EFHB: variants seen among roughly 807,000 people sequenced by gnomAD.
EFHB encodes EF-hand domain family member B.
Under a neutral mutation model 87.2 loss-of-function variants are expected in EFHB, and 91 were observed. The observed-to-expected ratio is 1.04, with a 90% CI of 0.88 to 1.24. The LOEUF is 1.24. EFHB is among the 50% of genes most tolerant of loss of function. EFHB has a pLI of 0.00. For synonymous variants in EFHB, 325 were observed against 333.6 expected (o/e 0.97, Z 0.28); for missense variants, 1,084 against 998.8 (o/e 1.09, Z -1.15).
intron 5 of EFHB, among the ~76,000 whole-genome samples, chr3:19,907,040 T>C (rs1202114140): frequency 1.4e-5 from 2 of 144,842 alleles, no homozygotes; most frequent in South Asian, 2.2e-4. Context: ...CAACTAAAAA[T>C]AGATTAAAAA....
intron 12 of EFHB, among the ~76,000 whole-genome samples, chr3:19,880,669 A>C (rs946869748): frequency 1.3e-5 from 2 of 152,224 alleles, no homozygotes; most frequent in African/African-American, 4.8e-5. Context: ...AGGACACTAA[A>C]AGCCAAGCAC....
Position 19,896,764 on chromosome 3 carries a change from C to T in EFHB, c.1648G>A (p.Ala550Thr). The change falls in exon 9 of 13, where the codon GCA (alanine) becomes ACA (threonine). Residue 550 changes from alanine to threonine, a missense_variant. Coordinates refer to ENST00000295824, the MANE Select transcript of EFHB (RefSeq NM_144715.4). ...GKDRQRALIA[A>T]VRHHLKKVNY... The stretch of plus-strand genomic sequence containing the variant: ...ACTTTCTTCAGGTGATGCCGAACTG[C>T]TGCAATCAGGGCTCGCTGTCTATCC... The T allele has an allele frequency of 6.2e-7, 1 of 1,613,984 alleles. No homozygotes were observed. Among genetic ancestry groups the T allele is most frequent in the African/African-American group, 1.3e-5 (1 of 75,046 alleles).
Position 19,933,415 on chromosome 3 carries a change from GC to G in EFHB, c.603del (p.Pro202GlnfsTer14). 1.2e-6 allele frequency: 2 copies of G among 1,613,954 alleles called. No homozygotes were observed. The highest frequency in any genetic ancestry group is 1.7e-6 in the Non-Finnish European group (2 of 1,179,888). On this transcript the variant is annotated frameshift_variant, in exon 1 of 13. Coordinates refer to ENST00000295824, the MANE Select transcript of EFHB (RefSeq NM_144715.4). LOFTEE classifies it high-confidence loss of function. ...GGCTCTGTATTCTTAGTCTCATCTGGCCCCTCGGCTTGGGTTAGTCCAATGT... is the reference window on the plus strand; with the variant it reads ...GGCTCTGTATTCTTAGTCTCATCTGGCCCTCGGCTTGGGTTAGTCCAATGT... ...EVDIGLTQAE[G>X]PDETKNTEPQ...
intron 10 of EFHB, among the ~76,000 whole-genome samples, chr3:19,887,956 AT>A (rs1365156194): frequency 5.9e-5 from 9 of 152,150 alleles, no homozygotes; most frequent in East Asian, 1.9e-4. Flanking sequence ...TGTGCTTTTA[AT>A]TTTTTTGAAT....
chr3:19,884,711 T>G, intron 10 of EFHB, 96 bp from the exon 11 acceptor site: 3 of 1,215,174 alleles, frequency 2.5e-6, no homozygotes, highest in Non-Finnish European at 3.5e-6. Flanking sequence ...TCTAGTCTCT[T>G]CTTGCTAATG....
chr3:19,915,912 A>G (rs959195071), intron 4 of EFHB, among the ~76,000 whole-genome samples: 1 of 152,138 alleles, frequency 6.6e-6, no homozygotes. Flanking sequence ...CGGGAGGTGG[A>G]GGTTGCAGTG....
At chr3:19,885,218 G>A (rs938137773) in intron 10 of EFHB, among the ~76,000 whole-genome samples, 2 of 126,558 alleles carry the variant, frequency 1.6e-5, no homozygotes, top group African/African-American at 3.1e-5. Context: ...GTGAGACTTC[G>A]TCTCAAAAAA....
At chr3:19,886,013 A>G (rs1694090330) in intron 10 of EFHB, among the ~76,000 whole-genome samples, 1 of 152,188 alleles carries the variant, frequency 6.6e-6, no homozygotes, top group Non-Finnish European at 1.5e-5. Flanking sequence ...CCCTAAAATC[A>G]TAGAAGATGA....
chr3:19,887,300 A>G (rs1250903414), intron 10 of EFHB, among the ~76,000 whole-genome samples: 1 of 150,648 alleles, frequency 6.6e-6, no homozygotes, highest in Non-Finnish European at 1.5e-5. Context: ...CACGAGAATC[A>G]CTTGAACCCG....
chr3:19,884,188 T>C (rs557688315), intron 11 of EFHB, among the ~76,000 whole-genome samples: 1 of 152,334 alleles, frequency 6.6e-6, no homozygotes, highest in East Asian at 1.9e-4. Context: ...TTCATTAATA[T>C]ATAAAGAATC....
Position 19,896,698 on chromosome 3 carries a change from G to C in EFHB, c.1714C>G (p.His572Asp). The C allele has an allele frequency of 6.2e-7, 1 of 1,613,966 alleles. No homozygotes were observed. The highest frequency in any genetic ancestry group is 8.5e-7 in the Non-Finnish European group (1 of 1,179,884). The change falls in exon 9 of 13, where the codon CAC becomes GAC. Residue 572 changes from histidine (H) to aspartate (D), a missense_variant. By Grantham distance (81) the His-to-Asp change is moderately conservative (BLOSUM62 -1). Transcript: ENST00000295824. Reference sequence around the variant, plus strand: ...CCCCCATTACTGGCCTTGTCATAGTGCCTGAAGGCTGCCAGCAAAGTGTCA... The same window carrying C: ...CCCCCATTACTGGCCTTGTCATAGTCCCTGAAGGCTGCCAGCAAAGTGTCA... ...KFDTLLAAFR[H>D]YDKKGDGMID...
intron 12 of EFHB, 141 bp downstream of exon 12, chr3:19,882,409 G>T: frequency 2.6e-6 from 2 of 768,924 alleles, no homozygotes; most frequent in Non-Finnish European, 3.7e-6. Context: ...TCACAACCAA[G>T]TTGAGGATTA....
intron 1 of EFHB, among the ~76,000 whole-genome samples, chr3:19,925,525 T>C (rs1695591075): frequency 6.6e-6 from 1 of 152,096 alleles, no homozygotes; most frequent in Non-Finnish European, 1.5e-5. Flanking sequence ...TTGTCCTAAA[T>C]ATATTTACTT....
intron 8 of EFHB, 115 bp downstream of exon 8, chr3:19,898,663 G>T: frequency 9.8e-7 from 1 of 1,017,958 alleles, no homozygotes; most frequent in Non-Finnish European, 1.5e-6. Flanking sequence ...AACATTTTAA[G>T]TCTTTAAAAT....
chr3:19,915,133 T>C (rs1695183262), intron 5 of EFHB, among the ~76,000 whole-genome samples, 170 bp downstream of exon 5: 1 of 152,110 alleles, frequency 6.6e-6, no homozygotes. Flanking sequence ...CGTAAGTATA[T>C]GCAGTACAGG....
In EFHB at chr3:19,933,959, G is replaced by A; in HGVS notation, c.60C>T (p.Val20=). ...CCATGGGAAATTTTGTTCCCATGAT[G>A]ACCCTCTTGTCTCCTAAATCATCCT... ...EGKDDLGDKR[V]IMGTKFPMEL... is the part of the protein sequence containing the mutation. The change falls in exon 1 of 13, where the codon GTC becomes GTT. Residue 20 remains valine, a synonymous_variant. Coordinates refer to ENST00000295824, the MANE Select transcript of EFHB (RefSeq NM_144715.4). 1 of 1,613,388 alleles carries A rather than the reference G, an allele frequency of 6.2e-7. No individual in the cohort carries two copies. Among genetic ancestry groups the A allele is most frequent in the South Asian group, 1.1e-5 (1 of 91,012 alleles).
At chr3:19,885,636 T>C (rs1694073119) in intron 10 of EFHB, among the ~76,000 whole-genome samples, 1 of 152,210 alleles carries the variant, frequency 6.6e-6, no homozygotes, top group Admixed American at 6.5e-5. Context: ...GGAGCCCAAG[T>C]AAGGGTTGCA....
rs71624361 is a variant in EFHB at position 19,908,562 on chromosome 3, AAGAGAGAGAGAGAGAG to A, written c.1289-2829_1289-2814del. 6.7e-3 allele frequency among the ~76,000 whole-genome samples: 566 copies of A among 83,866 alleles called. 8 individuals carry two copies. Among genetic ancestry groups the A allele is most frequent in the African/African-American group, 0.026 (533 of 20,564 alleles). 55.0% of individuals were successfully genotyped at this position (83,866 alleles called of 152,430 possible). A position where few individuals can be genotyped will look rare whatever the true frequency, so the allele number is the denominator to read the frequency against. On this transcript the variant is annotated intron_variant, in intron 5 of 12. Transcript: ENST00000295824. ...AAAGAAAGAAAGAGAGAAAGAGAGA[AAGAGAGAGAGAGAGAG>A]AGAGAGAGAGAGAGAGAGAGAGAAA... is the stretch of plus-strand genomic sequence containing the variant.
intron 1 of EFHB, among the ~76,000 whole-genome samples, chr3:19,946,652 C>A (rs532537525): frequency 6.6e-6 from 1 of 152,262 alleles, no homozygotes; most frequent in East Asian, 1.9e-4. Context: ...ACCTACCCAA[C>A]CCCAGGGCCA....
Sources: allele counts gnomAD v4.1 joint callset (sites outside exome capture counted in the v4.1 genomes callset), GRCh38; gene constraint gnomAD v4.1.1; transcripts MANE v1.5; gene names NCBI Gene and HGNC (gene_info 2026-07-23, HGNC 2026-07-21).